The following GABRB1 variants were observed in gnomAD, a reference collection of about 807,000 sequenced individuals.
GABRB1 encodes gamma-aminobutyric acid type A receptor subunit beta1.
GABRB1 carries 17 observed loss-of-function variants against 51.6 expected under a neutral mutation model. That is an observed-to-expected ratio of 0.33 (90% CI 0.23 to 0.49). The LOEUF (loss-of-function observed/expected upper bound fraction) is 0.49. Among genes scored for constraint, GABRB1 ranks in the 20% least tolerant of loss-of-function variants. The pLI is 0.99. For synonymous variants in GABRB1, 247 were observed against 218.9 expected (o/e 1.13, Z -1.14); for missense variants, 410 against 600.6 (o/e 0.68, Z 3.32).
intron 5 of GABRB1, among the ~76,000 whole-genome samples, chr4:47,381,319 G>A (rs1373964837): frequency 6.6e-6 from 1 of 152,040 alleles, no homozygotes; most frequent in African/African-American, 2.4e-5. Flanking sequence ...GCATTTTGTG[G>A]GTGTCAACTC....
At chr4:47,290,735 G>T (rs1723695080) in intron 4 of GABRB1, among the ~76,000 whole-genome samples, 1 of 152,106 alleles carries the variant, frequency 6.6e-6, no homozygotes, top group Admixed American at 6.6e-5. Flanking sequence ...AAAGATACTG[G>T]CGGCATTTTG....
At chr4:47,150,908 T>G (rs1164451672) in intron 3 of GABRB1, among the ~76,000 whole-genome samples, 1 of 151,978 alleles carries the variant, frequency 6.6e-6, no homozygotes, top group African/African-American at 2.4e-5. Flanking sequence ...TGATAGTGAT[T>G]GTCTCTGAAT....
chr4:47,026,758 T>C (rs1254400722), upstream of GABRB1, among the ~76,000 whole-genome samples: 1 of 152,064 alleles, frequency 6.6e-6, no homozygotes, highest in African/African-American at 2.4e-5. Flanking sequence ...TAATAACATA[T>C]GTTAAACCCT....
At chr4:47,096,007 CTTCT>C (rs1396257559) in intron 3 of GABRB1, among the ~76,000 whole-genome samples, 2 of 152,118 alleles carry the variant, frequency 1.3e-5, no homozygotes, top group African/African-American at 4.8e-5. Flanking sequence ...TCCCATCTTC[CTTCT>C]ATTTTAAGGA....
At chr4:47,130,325 CTGTGTG>C (rs67244692) in intron 3 of GABRB1, among the ~76,000 whole-genome samples, 14,984 of 133,400 alleles carry the variant, frequency 0.11, 878 homozygotes, top group East Asian at 0.17. Context: ...GCTCCAGATA[CTGTGTG>C]TGTGTGTGTG....
At chr4:47,414,724 T>C (rs1261637028) in intron 8 of GABRB1, among the ~76,000 whole-genome samples, 1 of 152,226 alleles carries the variant, frequency 6.6e-6, no homozygotes, top group Non-Finnish European at 1.5e-5. Flanking sequence ...ATTCCTGTTC[T>C]CCATGGTAAG....
chr4:47,177,114 T>A (rs1013787643), intron 4 of GABRB1, among the ~76,000 whole-genome samples: 1 of 152,062 alleles, frequency 6.6e-6, no homozygotes, highest in Non-Finnish European at 1.5e-5. Flanking sequence ...TTTAAGAACA[T>A]CATTGACAAT....
chr4:47,352,777 A>G (rs1726404129), intron 5 of GABRB1, among the ~76,000 whole-genome samples: 1 of 152,174 alleles, frequency 6.6e-6, no homozygotes, highest in African/African-American at 2.4e-5. Context: ...GGGTTTGCTT[A>G]TTTGAGATAC....
intron 5 of GABRB1, among the ~76,000 whole-genome samples, chr4:47,354,143 A>G (rs113742143): frequency 1.3e-5 from 2 of 152,322 alleles, no homozygotes; most frequent in African/African-American, 4.8e-5. Context: ...TCCAGCAATT[A>G]GGGGAGAAAT....
intron 4 of GABRB1, among the ~76,000 whole-genome samples, chr4:47,243,615 T>G (rs1721621030): frequency 3.3e-5 from 5 of 152,208 alleles, no homozygotes; most frequent in Admixed American, 3.3e-4. Flanking sequence ...CCCTTGTAAG[T>G]TGGATTCCTA....
At chr4:47,372,925 A>T (rs146726297) in intron 5 of GABRB1, among the ~76,000 whole-genome samples, 1 of 152,246 alleles carries the variant, frequency 6.6e-6, no homozygotes, top group Non-Finnish European at 1.5e-5. Flanking sequence ...CCATACTCAC[A>T]CACTACATGC....
chr4:47,076,635 C>A (rs1727562012), intron 3 of GABRB1, among the ~76,000 whole-genome samples: 1 of 147,576 alleles, frequency 6.8e-6, no homozygotes, highest in Non-Finnish European at 1.5e-5. Context: ...CAGCCAGCAG[C>A]CGATTACATG....
At chr4:47,095,115 T>C (rs1283050488) in intron 3 of GABRB1, among the ~76,000 whole-genome samples, 1 of 152,166 alleles carries the variant, frequency 6.6e-6, no homozygotes, top group African/African-American at 2.4e-5. Flanking sequence ...GTCATTTCAC[T>C]AAAATGTAGT....
chr4:47,146,248 A>T (rs1475229290), intron 3 of GABRB1, among the ~76,000 whole-genome samples: 2 of 152,016 alleles, frequency 1.3e-5, no homozygotes, highest in African/African-American at 2.4e-5. Context: ...GGGAACATAA[A>T]GTACCAGAAA....
chr4:47,249,657 A>G (rs1721905073), intron 4 of GABRB1, among the ~76,000 whole-genome samples: 1 of 152,152 alleles, frequency 6.6e-6, no homozygotes, highest in Non-Finnish European at 1.5e-5. Flanking sequence ...CCTGTTGGAC[A>G]AGGAATTTTA....
intron 3 of GABRB1, among the ~76,000 whole-genome samples, chr4:47,093,324 G>A (rs1353406107): frequency 6.6e-6 from 1 of 152,120 alleles, no homozygotes; most frequent in Non-Finnish European, 1.5e-5. Flanking sequence ...ATAAGATAAA[G>A]TTGTCGTTTT....
At chr4:47,126,877 A>T (rs944857085) in intron 3 of GABRB1, among the ~76,000 whole-genome samples, 1 of 152,060 alleles carries the variant, frequency 6.6e-6, no homozygotes, top group African/African-American at 2.4e-5. Flanking sequence ...CCAAACCAGT[A>T]GAAAGAGGAG....
chr4:47,367,737 A>C (rs993969563), intron 5 of GABRB1, among the ~76,000 whole-genome samples: 3 of 152,156 alleles, frequency 2.0e-5, no homozygotes, highest in African/African-American at 7.2e-5. Flanking sequence ...AGATTGCTAG[A>C]ACAAATAAAC....
chr4:47,245,333 C>G (rs1460745457), intron 4 of GABRB1, among the ~76,000 whole-genome samples: 1 of 152,078 alleles, frequency 6.6e-6, no homozygotes, highest in African/African-American at 2.4e-5. Context: ...GTTCAGATAG[C>G]CTAACAGTTT....
Sources: gnomAD v4.1 joint callset for allele counts (sites outside exome capture counted in the v4.1 genomes callset) on GRCh38, gnomAD v4.1.1 for gene constraint, MANE v1.5 for transcripts, NCBI Gene and HGNC (gene_info 2026-07-23, HGNC 2026-07-21) for gene names.